TJP1: variants seen among roughly 807,000 people sequenced by gnomAD.
TJP1 encodes tight junction protein ZO-1.
A neutral mutation model predicts 194.2 loss-of-function variants in TJP1; 43 were observed. The observed-to-expected ratio is 0.22, with a 90% CI of 0.17 to 0.29. The LOEUF (loss-of-function observed/expected upper bound fraction) is 0.29. Ranked by LOEUF, TJP1 falls within the 10% of genes least tolerant of loss-of-function variation. TJP1 has a pLI of 1.00. For synonymous variants in TJP1, 801 were observed against 779.0 expected (o/e 1.03, Z -0.47); for missense variants, 1,971 against 2,185.7 (o/e 0.90, Z 1.96).
intron 4 of TJP1, 111 bp from the exon 5 acceptor site, chr15:29,766,653 C>T (rs1450233889): frequency 3.7e-6 from 4 of 1,082,876 alleles, no homozygotes; most frequent in Non-Finnish European, 5.0e-6. Context: ...TATGAACCAG[C>T]AAGAAACAAT....
At chr15:29,926,291 A>C (rs1482348908) in intron 2 of TJP1, among the ~76,000 whole-genome samples, 1 of 152,334 alleles carries the variant, frequency 6.6e-6, no homozygotes, top group Admixed American at 6.5e-5. Flanking sequence ...CCACAACCAC[A>C]TGAACCTATC....
At chr15:29,865,914 C>T (rs965024780) in intron 2 of TJP1, among the ~76,000 whole-genome samples, 2 of 152,172 alleles carry the variant, frequency 1.3e-5, no homozygotes, top group African/African-American at 2.4e-5. Context: ...CAATTCAAAT[C>T]GCCAGGCACT....
chr15:29,760,858 T>C (rs920733785), intron 8 of TJP1, among the ~76,000 whole-genome samples: 11 of 152,218 alleles, frequency 7.2e-5, no homozygotes, highest in African/African-American at 2.7e-4. Context: ...TATGGGAACA[T>C]AGTCATGCCC....
chr15:29,961,195 C>A lies in TJP1; in HGVS notation c.174-4831G>T, dbSNP rs1245968305. 2.0e-5 allele frequency among the ~76,000 whole-genome samples: 3 copies of A among 152,242 alleles called. No homozygotes were observed. In the East Asian group the frequency reaches 5.8e-4, roughly 29 times the overall value. On this transcript the variant is annotated intron_variant, in intron 1 of 28. Coordinates refer to the TJP1 transcript ENST00000356107. ...CTTCCCCAGCCCTGATGGTGCAGAT[C>A]TGAGCTGAGTAACTCAGACTTCAGG... is the stretch of plus-strand genomic sequence containing the variant.
At chr15:29,802,568 GTT>G (rs56088390) in intron 1 of TJP1, among the ~76,000 whole-genome samples, 2 of 141,178 alleles carry the variant, frequency 1.4e-5, no homozygotes, top group East Asian at 4.1e-4. Flanking sequence ...AAACAAAGCT[GTT>G]TTTTTTTTTT....
intron 8 of TJP1, among the ~76,000 whole-genome samples, chr15:29,757,295 G>A (rs2045703737): frequency 1.3e-5 from 2 of 152,166 alleles, no homozygotes; most frequent in South Asian, 4.1e-4. Context: ...CAGGGCTGAT[G>A]TTTGCCAAGA....
intron 2 of TJP1, among the ~76,000 whole-genome samples, chr15:29,799,221 G>C (rs1488441988): frequency 6.6e-6 from 1 of 152,024 alleles, no homozygotes; most frequent in Non-Finnish European, 1.5e-5. Context: ...ATCGCCACTA[G>C]TCATAAGGTA....
At chr15:29,705,935 T>C (rs2041869858) in intron 25 of TJP1, among the ~76,000 whole-genome samples, 190 bp from the exon 26 acceptor site, 1 of 152,234 alleles carries the variant, frequency 6.6e-6, no homozygotes, top group Non-Finnish European at 1.5e-5. Context: ...CTTTTTTGTT[T>C]GTTTGTTTGG....
At chr15:29,813,537 G>A (rs1350568503) in intron 1 of TJP1, among the ~76,000 whole-genome samples, 2 of 152,168 alleles carry the variant, frequency 1.3e-5, no homozygotes, top group African/African-American at 2.4e-5. Context: ...ATAATGCTGA[G>A]CAAAAGAAGC....
intron 2 of TJP1, among the ~76,000 whole-genome samples, chr15:29,845,925 T>C (rs2051390155): frequency 6.6e-6 from 1 of 152,156 alleles, no homozygotes; most frequent in African/African-American, 2.4e-5. Flanking sequence ...AACATTCACA[T>C]GGATTACCAT....
chr15:29,953,188 C>A (rs1273975458), intron 2 of TJP1, among the ~76,000 whole-genome samples: 1 of 129,038 alleles, frequency 7.7e-6, no homozygotes, highest in African/African-American at 2.8e-5. Context: ...GTCGTCCAGA[C>A]TGGAGTGCGG....
intron 2 of TJP1, among the ~76,000 whole-genome samples, chr15:29,914,729 T>C (rs2054129045): frequency 6.6e-6 from 1 of 152,102 alleles, no homozygotes; most frequent in African/African-American, 2.4e-5. Context: ...CCTCAATTTA[T>C]AGCAGAGTGC....
In TJP1 at chr15:29,719,999, A is replaced by C. The variant is rs769624603; in HGVS notation, c.2781T>G (p.Ser927=). 6.2e-7 allele frequency: 1 copy of C among 1,608,712 alleles called. No homozygotes were observed. The highest frequency in any genetic ancestry group is 8.5e-7 in the Non-Finnish European group (1 of 1,178,436). Residue 927 remains serine (S), a synonymous_variant, in exon 20 of 28, where the codon TCT becomes TCG. Coordinates refer to ENST00000614355, the MANE Select transcript of TJP1 (RefSeq NM_001330239.4). ...PASQQKAEAS[S]PVPYLSPETN... ...TTTCAGGCGAAAGGTAAGGGACTGGAGATGAAGCTTCTGCTTTCTGTGAAG... is the reference window on the plus strand; with the variant it reads ...TTTCAGGCGAAAGGTAAGGGACTGGCGATGAAGCTTCTGCTTTCTGTGAAG...
intron 2 of TJP1, among the ~76,000 whole-genome samples, chr15:29,904,048 C>T (rs551912268): frequency 6.6e-6 from 1 of 152,232 alleles, no homozygotes; most frequent in Admixed American, 6.5e-5. Flanking sequence ...ACTTACTTCA[C>T]CAGCTGAACT....
intron 1 of TJP1, among the ~76,000 whole-genome samples, chr15:29,812,057 A>G (rs1364862909): frequency 6.6e-6 from 1 of 152,204 alleles, no homozygotes; most frequent in Non-Finnish European, 1.5e-5. Context: ...TCACTCTGAG[A>G]TGGGTCTTGT....
intron 11 of TJP1, among the ~76,000 whole-genome samples, chr15:29,734,830 G>T (rs2043919974): frequency 6.6e-6 from 1 of 151,898 alleles, no homozygotes; most frequent in Admixed American, 6.6e-5. Context: ...TTTTACTTTG[G>T]AGAAAAGAAT....
chr15:29,915,284 T>C (rs2054149225), intron 2 of TJP1, among the ~76,000 whole-genome samples: 1 of 151,926 alleles, frequency 6.6e-6, no homozygotes, highest in African/African-American at 2.4e-5. Flanking sequence ...TTTCTGTGTA[T>C]GTAATTAAAA....
chr15:29,929,615 T>C (rs890042863), intron 2 of TJP1, among the ~76,000 whole-genome samples: 4 of 152,130 alleles, frequency 2.6e-5, no homozygotes, highest in African/African-American at 4.8e-5. Context: ...AAGAATCACT[T>C]GAACCAGGGA....
intron 2 of TJP1, among the ~76,000 whole-genome samples, chr15:29,856,980 T>A (rs1313962626): frequency 1.3e-5 from 2 of 152,184 alleles, no homozygotes; most frequent in Non-Finnish European, 2.9e-5. Flanking sequence ...TATTACATAT[T>A]ATAAGTACTC....
Sources: allele counts gnomAD v4.1 joint callset (sites outside exome capture counted in the v4.1 genomes callset), GRCh38; gene constraint gnomAD v4.1.1; transcripts MANE v1.5; gene names NCBI Gene and HGNC (gene_info 2026-07-23, HGNC 2026-07-21).